CSMD1: variants seen among roughly 807,000 people sequenced by gnomAD.
CSMD1 encodes CUB and Sushi multiple domains 1, also known as CUB and sushi domain-containing protein 1.
A neutral mutation model predicts 417.5 loss-of-function variants in CSMD1; 213 were observed. That is an observed-to-expected ratio of 0.51 (90% CI 0.46 to 0.57). CSMD1 has a LOEUF of 0.57. Ranked by LOEUF, CSMD1 falls within the 20% of genes least tolerant of loss-of-function variation. The pLI is 0.00. For missense variants in CSMD1, 6,923 were observed against 4,529.7 expected (o/e 1.53, Z -15.17); for synonymous variants, 2,862 against 1,736.8 (o/e 1.65, Z -16.11).
chr8:4,737,135 C>G (rs1810296208), intron 1 of CSMD1, among the ~76,000 whole-genome samples: 1 of 150,552 alleles, frequency 6.6e-6, no homozygotes, highest in Non-Finnish European at 1.5e-5. Context: ...ACATCCATAC[C>G]ATGGAATATT....
chr8:4,324,699 C>A (rs1488960010), intron 3 of CSMD1, among the ~76,000 whole-genome samples: 1 of 152,172 alleles, frequency 6.6e-6, no homozygotes, highest in Non-Finnish European at 1.5e-5. Context: ...ATCCAATTTG[C>A]CCTGTTTTCC....
Position 2,978,737 on chromosome 8 carries a change from G to A in CSMD1, c.8441C>T (p.Pro2814Leu). The A allele has an allele frequency of 2.5e-6, 4 of 1,613,524 alleles. No homozygotes were observed. Among genetic ancestry groups the A allele is most frequent in the Non-Finnish European group, 3.4e-6 (4 of 1,179,720 alleles). Reference protein sequence around the residue: ...NAIRHGQQNFPESFEYGMSIL... With the variant: ...NAIRHGQQNFLESFEYGMSIL... ...ACTCATTCCATACTCAAAACTCTCA[G>A]GGAAGTTCTGTTGCCCGTGACGAAT... Residue 2814 changes from proline to leucine, a missense_variant, in exon 55 of 70, where the codon CCT (proline) becomes CTT (leucine). Transcript: ENST00000635120.
chr8:4,004,585 T>C lies in CSMD1; in HGVS notation c.611-6475A>G, dbSNP rs143380579. ...TGGTATTATAAACAAAACATATTTA[T>C]TTGGGATTTTCCTTCTTTCCTTCAT... On this transcript the variant is annotated intron_variant, in intron 4 of 69. Coordinates refer to ENST00000635120, the MANE Select transcript of CSMD1 (RefSeq NM_033225.6). 7.0e-3 allele frequency among the ~76,000 whole-genome samples: 1,060 copies of C among 152,246 alleles called. 10 individuals carry two copies. The highest frequency in any genetic ancestry group is 0.025 in the African/African-American group (1,022 of 41,546).
intron 3 of CSMD1, among the ~76,000 whole-genome samples, chr8:4,038,234 G>A (rs1337858311): frequency 1.3e-5 from 2 of 151,618 alleles, no homozygotes; most frequent in Non-Finnish European, 2.9e-5. Flanking sequence ...AATTTTAATG[G>A]GAACAATGTG....
chr8:3,629,844 T>C (rs1796689533), intron 7 of CSMD1, among the ~76,000 whole-genome samples: 1 of 152,238 alleles, frequency 6.6e-6, no homozygotes, highest in Non-Finnish European at 1.5e-5. Flanking sequence ...CAGGGTTTGA[T>C]GTCTCCACAA....
At chr8:3,935,829 T>C (rs556929553) in intron 5 of CSMD1, among the ~76,000 whole-genome samples, 2 of 152,304 alleles carry the variant, frequency 1.3e-5, no homozygotes, top group African/African-American at 2.4e-5. Flanking sequence ...AAGAGTCACA[T>C]GTCTCTATCA....
intron 7 of CSMD1, among the ~76,000 whole-genome samples, chr8:3,628,644 G>C (rs1028331492): frequency 6.6e-6 from 1 of 152,062 alleles, no homozygotes; most frequent in East Asian, 1.9e-4. Flanking sequence ...TCCCGCAGAG[G>C]GGAGGGCATG....
rs780566683 is a variant in CSMD1, at chr8:2,974,546, T to C, written c.8645A>G (p.His2882Arg). The change falls in exon 56 of 70, where the codon CAC (histidine) becomes CGC (arginine). Residue 2882 changes from histidine (H) to arginine (R), a missense_variant. Coordinates refer to ENST00000635120, the MANE Select transcript of CSMD1 (RefSeq NM_033225.6). ...GCTCTCGCTCCCTCTGCAGGAGTAG[T>C]GCACGACGGCGCCATAGGTAAACAG... ...GELFTYGAVV[H>R]YSCRGSESLI... The C allele has an allele frequency of 1.9e-6, 3 of 1,613,492 alleles. No homozygotes were observed. Among genetic ancestry groups the C allele is most frequent in the Non-Finnish European group, 2.5e-6 (3 of 1,179,714 alleles).
chr8:3,786,653 T>C (rs771664893), intron 5 of CSMD1, among the ~76,000 whole-genome samples: 3 of 152,168 alleles, frequency 2.0e-5, no homozygotes, highest in African/African-American at 7.2e-5. Flanking sequence ...CTCGAGATGC[T>C]ATGATAAAAT....
In CSMD1 at chr8:3,308,403, G is replaced by A. The variant is rs886393982; in HGVS notation, c.3732C>T (p.Cys1244=). 1.3e-5 allele frequency: 21 copies of A among 1,613,728 alleles called. No individual in the cohort carries two copies. Among genetic ancestry groups the A allele is most frequent in the Middle Eastern group, 1.6e-4 (1 of 6,076 alleles). The part of the protein sequence containing the change: ...HFTDTVVLYS[C]NPGYAMHGSN... Reference sequence around the variant, plus strand: ...TGCCATGCATGGCGTACCCCGGGTTGCAACTGTACAGAACTACAGTGTCGG... The same window carrying A: ...TGCCATGCATGGCGTACCCCGGGTTACAACTGTACAGAACTACAGTGTCGG... The change falls in exon 24 of 70, where the codon TGC becomes TGT. Residue 1244 remains cysteine (C), a synonymous_variant. Coordinates refer to ENST00000635120, the MANE Select transcript of CSMD1 (RefSeq NM_033225.6).
intron 2 of CSMD1, among the ~76,000 whole-genome samples, chr8:4,455,390 T>A (rs751626605): frequency 5.3e-5 from 8 of 152,096 alleles, no homozygotes; most frequent in Non-Finnish European, 1.0e-4. Context: ...ACTCAGTACA[T>A]TTTATACACA....
chr8:4,359,302 G>A (rs1484757918), intron 3 of CSMD1, among the ~76,000 whole-genome samples: 1 of 152,134 alleles, frequency 6.6e-6, no homozygotes, highest in Non-Finnish European at 1.5e-5. Flanking sequence ...ATATATGGCT[G>A]CAGTGCATTA....
chr8:3,864,706 G>C (rs990828579), intron 5 of CSMD1, among the ~76,000 whole-genome samples: 6 of 152,046 alleles, frequency 3.9e-5, no homozygotes, highest in African/African-American at 1.5e-4. Context: ...TGGGAGGTTG[G>C]AACATTATGG....
intron 3 of CSMD1, among the ~76,000 whole-genome samples, chr8:4,260,343 C>T (rs1476638585): frequency 6.6e-6 from 1 of 152,082 alleles, no homozygotes; most frequent in Non-Finnish European, 1.5e-5. Flanking sequence ...CCTGATTTCC[C>T]ACTGAGTTGC....
chr8:3,975,191 T>C (rs1325909990), intron 5 of CSMD1, among the ~76,000 whole-genome samples: 1 of 152,222 alleles, frequency 6.6e-6, no homozygotes, highest in Non-Finnish European at 1.5e-5. Context: ...CAGCATCCTG[T>C]TACGATGTTA....
At chr8:2,973,024 C>T (rs943531309) in intron 57 of CSMD1, 93 bp downstream of exon 57, 3 of 1,224,782 alleles carry the variant, frequency 2.4e-6, no homozygotes, top group African/African-American at 1.5e-5. Context: ...TAGTACAAAC[C>T]TCTAGAATTT....
chr8:4,913,432 A>C (rs1805836702), intron 1 of CSMD1, among the ~76,000 whole-genome samples: 1 of 152,142 alleles, frequency 6.6e-6, no homozygotes, highest in Non-Finnish European at 1.5e-5. Flanking sequence ...CACTCAGTGA[A>C]TATTTCTTCA....
intron 2 of CSMD1, among the ~76,000 whole-genome samples, chr8:4,519,491 G>A (rs1429897894): frequency 6.6e-6 from 1 of 151,896 alleles, no homozygotes; most frequent in African/African-American, 2.4e-5. Context: ...TGTAACCCCA[G>A]CACTTTGGGA....
chr8:3,201,261 G>A (rs1364645386), intron 32 of CSMD1, among the ~76,000 whole-genome samples: 7 of 152,180 alleles, frequency 4.6e-5, no homozygotes, highest in Admixed American at 4.6e-4. Flanking sequence ...AGACCGAAAT[G>A]TTAATCGTTT....
Sources: gnomAD v4.1 joint callset for allele counts (sites outside exome capture counted in the v4.1 genomes callset) on GRCh38, gnomAD v4.1.1 for gene constraint, MANE v1.5 for transcripts, NCBI Gene and HGNC (gene_info 2026-07-23, HGNC 2026-07-21) for gene names.